Variants in RYK observed in about 807,000 individuals in gnomAD.
The protein encoded by RYK is inactive tyrosine-protein kinase RYK.
RYK carries 21 observed loss-of-function variants against 70.2 expected under a neutral mutation model. The ratio of observed to expected loss-of-function variants is 0.30; its 90% CI spans 0.21 to 0.43. RYK has a LOEUF of 0.43. Ranked by LOEUF, RYK falls within the 20% of genes least tolerant of loss-of-function variation. The pLI, the probability that RYK is intolerant of heterozygous loss-of-function variation, is 1.00. For missense variants in RYK, 604 were observed against 753.3 expected (o/e 0.80, Z 2.32); for synonymous variants, 267 against 278.0 (o/e 0.96, Z 0.39).
chr3:134,235,530 T>C (rs2015179454), intron 1 of RYK, among the ~76,000 whole-genome samples: 1 of 152,050 alleles, frequency 6.6e-6, no homozygotes, highest in Non-Finnish European at 1.5e-5. Flanking sequence ...GAGAATATCA[T>C]ACTTTATCTC....
At chr3:134,235,771 T>C (rs1272564910) in intron 1 of RYK, among the ~76,000 whole-genome samples, 1 of 151,922 alleles carries the variant, frequency 6.6e-6, no homozygotes, top group Non-Finnish European at 1.5e-5. Context: ...AGAGGTTAAG[T>C]GAGTAGTGAG....
At chr3:134,163,367 T>C (rs1237028344) in intron 13 of RYK, among the ~76,000 whole-genome samples, 1 of 152,210 alleles carries the variant, frequency 6.6e-6, no homozygotes, top group East Asian at 1.9e-4. Context: ...TTTCCTTCTG[T>C]TTGACGTCGG....
At chr3:134,211,390 C>CGTAT (rs1389141803) in intron 3 of RYK, 118 bp downstream of exon 3, 1 of 590,622 alleles carries the variant, frequency 1.7e-6, no homozygotes, top group Non-Finnish European at 2.9e-6. Context: ...TCACAGTACT[C>CGTAT]ATACATCTTA....
chr3:134,192,070 A>C, intron 7 of RYK, 96 bp from the exon 8 acceptor site: 1 of 1,183,128 alleles, frequency 8.5e-7, no homozygotes, highest in South Asian at 1.4e-5. Flanking sequence ...CTCAGGTCAC[A>C]GGAATGAGTG....
At chr3:134,162,057 C>G (rs1211999790) in intron 13 of RYK, among the ~76,000 whole-genome samples, 2 of 152,110 alleles carry the variant, frequency 1.3e-5, no homozygotes, top group Admixed American at 1.3e-4. Context: ...AGCTGCAGCC[C>G]TGCAGTCCCT....
chr3:134,205,794 T>C (rs1273853926), intron 5 of RYK, among the ~76,000 whole-genome samples: 2 of 152,188 alleles, frequency 1.3e-5, no homozygotes, highest in Non-Finnish European at 1.5e-5. Flanking sequence ...GTTGGTATCA[T>C]TGCCTATATT....
chr3:134,192,208 C>T (rs2013665122), intron 7 of RYK, among the ~76,000 whole-genome samples: 1 of 152,164 alleles, frequency 6.6e-6, no homozygotes, highest in South Asian at 2.1e-4. Context: ...TTCTGAACTG[C>T]AACAAGAAAT....
chr3:134,163,448 T>C (rs1311677020), intron 13 of RYK, among the ~76,000 whole-genome samples: 3 of 152,208 alleles, frequency 2.0e-5, no homozygotes, highest in Non-Finnish European at 4.4e-5. Context: ...CTATCTCCAT[T>C]TAAAGAACAT....
At chr3:134,158,591 A>G (rs1345473142) in intron 14 of RYK, among the ~76,000 whole-genome samples, 2 of 152,228 alleles carry the variant, frequency 1.3e-5, no homozygotes, top group Non-Finnish European at 2.9e-5. Flanking sequence ...GGAGGAAGAG[A>G]AAGTTTTATC....
At chr3:134,180,897 A>G (rs2013271694) in intron 10 of RYK, 1 of 152,166 alleles carries the variant, frequency 6.6e-6, no homozygotes. Flanking sequence ...AATAACCCCA[A>G]TTTAGTATGT....
At chr3:134,169,542 T>G (rs2012818443) in intron 13 of RYK, among the ~76,000 whole-genome samples, 1 of 152,212 alleles carries the variant, frequency 6.6e-6, no homozygotes, top group Non-Finnish European at 1.5e-5. Flanking sequence ...CAAATCTTGA[T>G]GTGCATAGTT....
chr3:134,184,991 AG>A (rs1409600582), intron 9 of RYK, among the ~76,000 whole-genome samples: 1 of 146,148 alleles, frequency 6.8e-6, no homozygotes, highest in Non-Finnish European at 1.5e-5. Context: ...AAAAATTAGC[AG>A]GGTGTGGTGT....
chr3:134,249,235 G>A (rs958178063), intron 1 of RYK, among the ~76,000 whole-genome samples: 9 of 152,126 alleles, frequency 5.9e-5, no homozygotes, highest in African/African-American at 2.2e-4. Flanking sequence ...TTAAGAATGA[G>A]CACGACTTCA....
chr3:134,175,511 C>A, intron 13 of RYK, 98 bp downstream of exon 13: 1 of 1,403,742 alleles, frequency 7.1e-7, no homozygotes, highest in Non-Finnish European at 9.8e-7. Flanking sequence ...GAACAGCTAG[C>A]AGATTTTTTA....
chr3:134,240,651 A>T (rs2015300630), intron 1 of RYK, among the ~76,000 whole-genome samples: 1 of 152,222 alleles, frequency 6.6e-6, no homozygotes, highest in South Asian at 2.1e-4. Flanking sequence ...ACAGAATATG[A>T]CATATACCAG....
At chr3:134,209,908 T>C (rs567334224) in intron 3 of RYK, 79 bp from the exon 4 acceptor site, 188 of 1,068,838 alleles carry the variant, frequency 1.8e-4, no homozygotes, top group Non-Finnish European at 2.4e-4. Context: ...CTTTTAAACA[T>C]TTTAGAATTA....
rs1309064343 is a variant in RYK, at chr3:134,175,617, T to C, written c.1567A>G (p.Ser523Gly). Residue 523 changes from serine to glycine, a missense_variant, in exon 13 of 15, where the codon AGT (serine) becomes GGT (glycine). This residue lies in a region of RYK where 138 missense variants were observed against 217.4 expected (regional missense o/e 0.63). Transcript: ENST00000623711. ...SLVNNEFSSASDVWAFGVTLW... is the reference protein window; with the variant it reads ...SLVNNEFSSAGDVWAFGVTLW... ...GGGGTCCCGGCACTTACCACATCAC[T>C]AGCGCTAGAGAACTCGTTATTAACC... 7.4e-6 allele frequency: 12 copies of C among 1,613,530 alleles called. No homozygotes were observed. In the Admixed American group the frequency reaches 2.0e-4, roughly 27 times the overall value.
Position 134,188,891 on chromosome 3 carries a change from T to C in RYK, c.1048A>G (p.Ile350Val), listed in dbSNP as rs1423398171. 2 of 1,579,034 alleles carry C rather than the reference T, an allele frequency of 1.3e-6. No individual in the cohort carries two copies. The highest frequency in any genetic ancestry group is 1.1e-5 in the South Asian group (1 of 87,622). ...TCTTTATTTGGATCTTTTTCATCTATTAAAATCCCATGGAAAATACGCCCA... is the reference window on the plus strand; with the variant it reads ...TCTTTATTTGGATCTTTTTCATCTACTAAAATCCCATGGAAAATACGCCCA... ...TFGRIFHGIL[I>V]DEKDPNKEKQ... Residue 350 changes from isoleucine to valine, a missense_variant, in exon 9 of 15, where the codon ATA (isoleucine) becomes GTA (valine). By Grantham distance (29) the Ile-to-Val change is conservative. Transcript: ENST00000623711.
intron 6 of RYK, among the ~76,000 whole-genome samples, chr3:134,196,873 T>A (rs2013835260): frequency 6.6e-6 from 1 of 152,160 alleles, no homozygotes; most frequent in South Asian, 2.1e-4. Flanking sequence ...GCACTTATAA[T>A]ATGCAAACCA....
Sources: allele counts gnomAD v4.1 joint callset (sites outside exome capture counted in the v4.1 genomes callset), GRCh38; gene constraint gnomAD v4.1.1; regional missense constraint gnomAD v4.1.1; transcripts MANE v1.5; gene names NCBI Gene and HGNC (gene_info 2026-07-23, HGNC 2026-07-21).